Variants in LARP1 observed in about 807,000 individuals in gnomAD.
LARP1 encodes the protein la-related protein 1.
A neutral mutation model predicts 122.7 loss-of-function variants in LARP1; 36 were observed. That is an observed-to-expected ratio of 0.29 (90% CI 0.22 to 0.39). LARP1 has a LOEUF of 0.39. Ranked by LOEUF, LARP1 falls within the 10% of genes least tolerant of loss-of-function variation. The pLI, the probability that LARP1 is intolerant of heterozygous loss-of-function variation, is 1.00. For synonymous variants in LARP1, 539 were observed against 528.7 expected (o/e 1.02, Z -0.27); for missense variants, 1,040 against 1,403.6 (o/e 0.74, Z 4.14).
At chr5:154,794,514 C>G (rs1199487467) in intron 7 of LARP1, among the ~76,000 whole-genome samples, 1 of 152,218 alleles carries the variant, frequency 6.6e-6, no homozygotes, top group Non-Finnish European at 1.5e-5. Flanking sequence ...TATTTAGAAT[C>G]TACCCCCTTC....
intron 1 of LARP1, among the ~76,000 whole-genome samples, chr5:154,770,441 A>G (rs943718846): frequency 6.6e-6 from 1 of 152,058 alleles, no homozygotes; most frequent in Admixed American, 6.5e-5. Context: ...TGCTGAGGAC[A>G]GGTGCTTCCC....
At chr5:154,744,616 ATTTTTTTTTTTTTTTTTTTTTTTTTT>A (rs748853573) in intron 1 of LARP1, among the ~76,000 whole-genome samples, 3 of 71,962 alleles carry the variant, frequency 4.2e-5, no homozygotes, top group Admixed American at 3.0e-4. Flanking sequence ...TGGATATGCA[ATTTTTTTTTTTTTTTTTTTTTTTTTT>A]TTTTTTTTTT....
chr5:154,709,662 A>G (rs1450348587), upstream of LARP1, among the ~76,000 whole-genome samples: 4 of 149,928 alleles, frequency 2.7e-5, no homozygotes, highest in Admixed American at 6.7e-5. Flanking sequence ...GGGCTCACCA[A>G]AACTGTGACC....
chr5:154,801,739 TC>T (rs1267753069), intron 10 of LARP1, among the ~76,000 whole-genome samples: 3 of 152,196 alleles, frequency 2.0e-5, no homozygotes, highest in Admixed American at 6.5e-5. Flanking sequence ...AGAGCACAGT[TC>T]CTGCCTATAG....
intron 1 of LARP1, among the ~76,000 whole-genome samples, chr5:154,775,311 A>C (rs977907971): frequency 1.3e-5 from 2 of 152,126 alleles, no homozygotes; most frequent in African/African-American, 4.8e-5. Context: ...AAAAAACGTA[A>C]GTGAATAAAA....
At chr5:154,706,413 G>A (rs566689718) in intron 1 of LARP1, among the ~76,000 whole-genome samples, 1 of 151,988 alleles carries the variant, frequency 6.6e-6, no homozygotes, top group South Asian at 2.1e-4. Flanking sequence ...CAGCAACATG[G>A]ATGGAGCTGG....
rs570003702 is a variant in LARP1 at position 154,693,991 on chromosome 5, A to G, written c.-180+10954A>G. ...AATGAGGCCTATAAGAACTAGCTTC[A>G]GTTACGAAAAGTTCAGGGGATAGAG... On this transcript the variant is annotated intron_variant, in intron 1 of 18. Coordinates refer to the LARP1 transcript ENST00000687700. Among the ~76,000 whole-genome samples the G allele has an allele frequency of 6.6e-5, 10 of 152,324 alleles. No homozygotes were observed. The East Asian group carries it at 1.9e-3, about 29-fold the overall frequency.
At chr5:154,688,144 A>C (rs954890390) in intron 1 of LARP1, among the ~76,000 whole-genome samples, 1 of 152,060 alleles carries the variant, frequency 6.6e-6, no homozygotes, top group African/African-American at 2.4e-5. Context: ...GCCTGTTGTG[A>C]CAGACACAGG....
chr5:154,758,955 T>C (rs909727741), intron 1 of LARP1, among the ~76,000 whole-genome samples: 3 of 152,196 alleles, frequency 2.0e-5, no homozygotes, highest in African/African-American at 7.2e-5. Flanking sequence ...CTCCCCAGAG[T>C]ATTTTTAAAT....
At chr5:154,722,609 T>C (rs970570704) in intron 1 of LARP1, among the ~76,000 whole-genome samples, 4 of 151,358 alleles carry the variant, frequency 2.6e-5, no homozygotes, top group Non-Finnish European at 2.9e-5. Context: ...AGCCAGGCAG[T>C]GGAGAATTCA....
intron 1 of LARP1, among the ~76,000 whole-genome samples, chr5:154,761,348 G>T (rs1754433363): frequency 2.0e-5 from 3 of 152,036 alleles, no homozygotes. Context: ...ACCTCCTGAG[G>T]GTCGGGGTCT....
intron 18 of LARP1, among the ~76,000 whole-genome samples, chr5:154,813,414 G>T (rs1271155976): frequency 1.3e-5 from 2 of 152,188 alleles, no homozygotes; most frequent in Admixed American, 6.5e-5. Context: ...ACCTTGAAGA[G>T]AATGAGGTGA....
At chr5:154,776,706 C>G (rs1755915979) in intron 1 of LARP1, among the ~76,000 whole-genome samples, 1 of 152,228 alleles carries the variant, frequency 6.6e-6, no homozygotes, top group Non-Finnish European at 1.5e-5. Context: ...ATCTGCATTT[C>G]TCCCAAGCCA....
chr5:154,780,364 A>G (rs1756322611), intron 1 of LARP1, among the ~76,000 whole-genome samples: 1 of 152,208 alleles, frequency 6.6e-6, no homozygotes, highest in Non-Finnish European at 1.5e-5. Context: ...TTTCAGTTCC[A>G]TGTGAGTAGT....
intron 1 of LARP1, among the ~76,000 whole-genome samples, chr5:154,744,094 T>C (rs1247530162): frequency 6.6e-6 from 1 of 152,182 alleles, no homozygotes; most frequent in Non-Finnish European, 1.5e-5. Flanking sequence ...GGGCAGCTCA[T>C]TCATTTTCTG....
chr5:154,684,277 T>C (rs562747224), intron 1 of LARP1, among the ~76,000 whole-genome samples: 30 of 152,050 alleles, frequency 2.0e-4, no homozygotes, highest in Non-Finnish European at 3.7e-4. Flanking sequence ...GATCCCTATC[T>C]CTACAAAAAA....
chr5:154,693,779 T>C (rs6580109), intron 1 of LARP1, among the ~76,000 whole-genome samples: 114,352 of 150,634 alleles, frequency 0.76, 43,811 homozygotes, highest in African/African-American at 0.88. Context: ...CGGCGTGAAC[T>C]GGAGAGGCGG....
In LARP1 at chr5:154,794,212, G is replaced by A. The variant is rs922872058; in HGVS notation, c.1182G>A (p.Glu394=). The A allele has an allele frequency of 3.7e-6, 6 of 1,614,230 alleles. No homozygotes were observed. The highest frequency in any genetic ancestry group is 4.2e-6 in the Non-Finnish European group (5 of 1,180,042). ...TYYFDNVSST[E]LYSVDQELLK... is the part of the protein sequence containing the mutation. ...ACTTTGACAATGTCAGCAGCACCGA[G>A]CTTTACAGTGTGGATCAGGAACTGC... Residue 394 remains glutamate, a synonymous_variant, in exon 7 of 19, where the codon GAG becomes GAA. Coordinates refer to ENST00000518297, the MANE Select transcript of LARP1 (RefSeq NM_033551.3).
intron 1 of LARP1, among the ~76,000 whole-genome samples, chr5:154,697,836 G>T (rs1389241213): frequency 2.6e-5 from 4 of 152,078 alleles, no homozygotes; most frequent in Non-Finnish European, 5.9e-5. Context: ...TGTTGTTGTT[G>T]TTTTTAAAAC....
Sources: allele counts gnomAD v4.1 joint callset (sites outside exome capture counted in the v4.1 genomes callset), GRCh38; gene constraint gnomAD v4.1.1; transcripts MANE v1.5; gene names NCBI Gene and HGNC (gene_info 2026-07-23, HGNC 2026-07-21).